The following RAD54L2 variants were observed in gnomAD, a reference collection of about 807,000 sequenced individuals.
RAD54L2 encodes RAD54 like 2.
Under a neutral mutation model 138.4 loss-of-function variants are expected in RAD54L2, and 27 were observed. That is an observed-to-expected ratio of 0.20 (90% CI 0.14 to 0.27). The LOEUF is 0.27. Among genes scored for constraint, RAD54L2 ranks in the 10% least tolerant of loss-of-function variants. The pLI is 1.00. For synonymous variants in RAD54L2, 644 were observed against 723.2 expected (o/e 0.89, Z 1.76); for missense variants, 1,396 against 1,890.2 (o/e 0.74, Z 4.85).
Position 51,660,053 on chromosome 3 carries a change from G to A in RAD54L2, c.3344G>A (p.Arg1115Gln). The A allele has an allele frequency of 3.1e-6, 5 of 1,596,460 alleles. No individual in the cohort carries two copies. Among genetic ancestry groups the A allele is most frequent in the South Asian group, 1.1e-5 (1 of 90,146 alleles). The change falls in exon 22 of 23, where the codon CGG (arginine) becomes CAG (glutamine). Residue 1115 changes from arginine (R) to glutamine (Q), a missense_variant. Physicochemically the swap from Arg to Gln is conservative, Grantham distance 43 (BLOSUM62 1). This residue lies in a region of RAD54L2 where 634 missense variants were observed against 711.2 expected (regional missense o/e 0.89). Coordinates refer to ENST00000684192, the MANE Select transcript of RAD54L2 (RefSeq NM_015106.4). ...KGTYIRTSDG[R>Q]IFAVRATGKP... The stretch of plus-strand genomic sequence containing the variant: ...ACGTACATCCGTACCAGTGATGGAC[G>A]GATCTTTGCTGTCCGGGCAACTGGC...
At chr3:51,619,244 A>G (rs1003654701) in intron 3 of RAD54L2, among the ~76,000 whole-genome samples, 1 of 152,038 alleles carries the variant, frequency 6.6e-6, no homozygotes, top group Non-Finnish European at 1.5e-5. Context: ...TTTTTAGTAG[A>G]GGTGGGGTTT....
At chr3:51,658,488 G>A (rs1559657592) in intron 21 of RAD54L2, among the ~76,000 whole-genome samples, 1 of 152,146 alleles carries the variant, frequency 6.6e-6, no homozygotes, top group Non-Finnish European at 1.5e-5. Flanking sequence ...TATGAGATTG[G>A]TGGAATAAAA....
chr3:51,635,928 A>T, intron 10 of RAD54L2, 139 bp downstream of exon 10: 1 of 895,816 alleles, frequency 1.1e-6, no homozygotes, highest in Non-Finnish European at 1.7e-6. Flanking sequence ...GGTTCCCAAG[A>T]TCAGTAGGAT....
At chr3:51,621,046 T>G (rs998902872) in intron 3 of RAD54L2, among the ~76,000 whole-genome samples, 10 of 152,118 alleles carry the variant, frequency 6.6e-5, no homozygotes, top group Non-Finnish European at 1.0e-4. Flanking sequence ...AAAAGTTACA[T>G]TTTGACTGAA....
intron 3 of RAD54L2, among the ~76,000 whole-genome samples, chr3:51,597,841 G>A (rs1022284790): frequency 6.6e-6 from 1 of 151,346 alleles, no homozygotes; most frequent in South Asian, 2.1e-4. Context: ...GTAATCCCAG[G>A]TACTCTGGAG....
intron 2 of RAD54L2, among the ~76,000 whole-genome samples, chr3:51,587,118 G>A (rs771458127): frequency 2.0e-5 from 3 of 147,750 alleles, no homozygotes; most frequent in Non-Finnish European, 4.5e-5. Context: ...TTTTTTTCTC[G>A]AGATGGGAGT....
At chr3:51,652,231 G>A (rs1701458949) in intron 19 of RAD54L2, among the ~76,000 whole-genome samples, 2 of 152,172 alleles carry the variant, frequency 1.3e-5, no homozygotes, top group African/African-American at 4.8e-5. Context: ...TACAAGGGAT[G>A]TGAAGGACCT....
chr3:51,640,850 C>T (rs1375604104), intron 14 of RAD54L2, among the ~76,000 whole-genome samples: 2 of 151,960 alleles, frequency 1.3e-5, no homozygotes, highest in Non-Finnish European at 2.9e-5. Context: ...TGAGCTAAAC[C>T]CCAGAAATTT....
At chr3:51,648,074 A>C (rs57566491) in intron 19 of RAD54L2, among the ~76,000 whole-genome samples, 15 of 152,258 alleles carry the variant, frequency 9.9e-5, no homozygotes, top group Admixed American at 3.3e-4. Context: ...GTACCTGGAA[A>C]ATCGGGACAC....
At chr3:51,539,934 A>G (rs1698509120) in intron 1 of RAD54L2, among the ~76,000 whole-genome samples, 1 of 152,192 alleles carries the variant, frequency 6.6e-6, no homozygotes, top group Non-Finnish European at 1.5e-5. Context: ...TCCAAGTCAG[A>G]GTGGTGACTG....
chr3:51,574,928 G>A (rs950007868), intron 2 of RAD54L2, among the ~76,000 whole-genome samples: 5 of 152,084 alleles, frequency 3.3e-5, no homozygotes, highest in Admixed American at 2.0e-4. Flanking sequence ...GCCCATGCCT[G>A]TGTCCTGAAT....
In RAD54L2 at chr3:51,662,684, A is replaced by C; in HGVS notation, c.3668A>C (p.Glu1223Ala). 6.2e-7 allele frequency: 1 copy of C among 1,613,802 alleles called. No homozygotes were observed. The highest frequency in any genetic ancestry group is 2.2e-5 in the East Asian group (1 of 44,872). ...SAVPGTALGT[E>A]PRLGGHCLNS... Reference sequence around the variant, plus strand: ...GTTCCCGGGACAGCTCTCGGAACTGAGCCTCGACTAGGGGGTCATTGCCTC... The same window carrying C: ...GTTCCCGGGACAGCTCTCGGAACTGCGCCTCGACTAGGGGGTCATTGCCTC... Residue 1223 changes from glutamate to alanine, a missense_variant, in exon 23 of 23, where the codon GAG becomes GCG. By Grantham distance (107) the Glu-to-Ala change is moderately radical. Around this residue, in one of 7 missense-constraint regions of RAD54L2, gnomAD observed 634 missense variants for 711.2 expected, o/e 0.89. Coordinates refer to ENST00000684192, the MANE Select transcript of RAD54L2 (RefSeq NM_015106.4). The surrounding 1 kb of genome is among the most constrained non-coding windows in gnomAD (Gnocchi z 4.6).
chr3:51,616,301 A>G (rs927131966), intron 3 of RAD54L2, among the ~76,000 whole-genome samples: 9 of 152,174 alleles, frequency 5.9e-5, no homozygotes, highest in African/African-American at 1.9e-4. Flanking sequence ...AACTTCTGGT[A>G]TCTCTAATTT....
intron 2 of RAD54L2, among the ~76,000 whole-genome samples, chr3:51,565,442 T>C (rs1410149836): frequency 6.6e-6 from 1 of 152,204 alleles, no homozygotes; most frequent in East Asian, 1.9e-4. Flanking sequence ...TTTATATACT[T>C]GTAGGTAGTG....
chr3:51,556,571 T>C (rs1698971216), intron 2 of RAD54L2, among the ~76,000 whole-genome samples: 1 of 121,938 alleles, frequency 8.2e-6, no homozygotes, highest in Non-Finnish European at 1.8e-5. Flanking sequence ...TTATCTCTCT[T>C]TTATCTATCT....
At chr3:51,616,734 A>G (rs1700452482) in intron 3 of RAD54L2, among the ~76,000 whole-genome samples, 1 of 152,206 alleles carries the variant, frequency 6.6e-6, no homozygotes, top group Non-Finnish European at 1.5e-5. Flanking sequence ...AGGCTGAGGC[A>G]GGAAAATTGC....
intron 2 of RAD54L2, among the ~76,000 whole-genome samples, chr3:51,570,226 G>A (rs564096377): frequency 1.1e-4 from 15 of 132,578 alleles, no homozygotes; most frequent in Admixed American, 8.3e-4. Context: ...TCACTGCAGC[G>A]TCTGCCTCCC....
rs1701909521 is a variant in RAD54L2 at position 51,666,209 on chromosome 3, T to TTTTTTA, written c.*2789_*2790insTTTTTA. The TTTTTTA allele has an allele frequency of 3.3e-5, 4 of 122,708 alleles. No individual in the cohort carries two copies. Among genetic ancestry groups the TTTTTTA allele is most frequent in the African/African-American group, 1.3e-4 (4 of 30,144 alleles). The allele number at this position is 122,708 out of a possible 1,614,324, so 7.6% of individuals were successfully genotyped here. A position where few individuals can be genotyped will look rare whatever the true frequency, so the allele number is the denominator to read the frequency against. ...TTTTTTTTTTTTTTTTTTTTTTTTT[T>TTTTTTA]AAAGAAAATAACCTGAAAACACTTC... On this transcript the variant is annotated 3_prime_UTR_variant, in exon 23 of 23. Coordinates refer to ENST00000684192, the MANE Select transcript of RAD54L2 (RefSeq NM_015106.4).
rs1701031621 is a variant in RAD54L2, at chr3:51,638,077, T to A, written c.1683-67T>A. 6 of 1,497,358 alleles carry A rather than the reference T, an allele frequency of 4.0e-6. No individual in the cohort carries two copies. In the South Asian group the frequency reaches 7.2e-5, roughly 18 times the overall value. The allele number at this position is 1,497,358 out of a possible 1,614,324, so 92.8% of individuals were successfully genotyped here. On this transcript the variant is annotated intron_variant, in intron 11 of 22. Coordinates refer to ENST00000684192, the MANE Select transcript of RAD54L2 (RefSeq NM_015106.4). The surrounding 1 kb of genome is among the most constrained non-coding windows in gnomAD (Gnocchi z 4.3). Reference sequence around the variant, plus strand: ...TGTGGCAGGAGTGCAAAAGGCTCTGTTTTTATCTTGTGCTGACCCCTCCTG... The same window carrying A: ...TGTGGCAGGAGTGCAAAAGGCTCTGATTTTATCTTGTGCTGACCCCTCCTG...
Sources: gnomAD v4.1 joint callset for allele counts (sites outside exome capture counted in the v4.1 genomes callset) on GRCh38, gnomAD v4.1.1 for gene constraint, gnomAD v4.1.1 regional missense constraint, Gnocchi (gnomAD v3.1) non-coding constraint, MANE v1.5 for transcripts, NCBI Gene and HGNC (gene_info 2026-07-23, HGNC 2026-07-21) for gene names.